Variants in ADORA1 observed in about 807,000 individuals in gnomAD.
ADORA1 encodes adenosine receptor A1.
ADORA1 carries 6 observed loss-of-function variants against 19.9 expected under a neutral mutation model. The observed-to-expected ratio is 0.30, with a 90% confidence interval of 0.17 to 0.59. The LOEUF (loss-of-function observed/expected upper bound fraction) is 0.59. Ranked by LOEUF, ADORA1 falls within the 20% of genes least tolerant of loss-of-function variation. The pLI, the probability that ADORA1 is intolerant of heterozygous loss-of-function variation, is 0.87. For missense variants in ADORA1, 302 were observed against 439.2 expected (o/e 0.69, Z 2.79); for synonymous variants, 194 against 188.4 (o/e 1.03, Z -0.24).
intron 3 of ADORA1, among the ~76,000 whole-genome samples, chr1:203,162,278 G>A (rs984389623): frequency 6.6e-6 from 1 of 152,176 alleles, no homozygotes; most frequent in Non-Finnish European, 1.5e-5. Context: ...ACAGATGAGA[G>A]CTGATACCCT....
chr1:203,151,989 TC>T (rs1482028238), intron 3 of ADORA1, among the ~76,000 whole-genome samples: 1 of 152,136 alleles, frequency 6.6e-6, no homozygotes, highest in Non-Finnish European at 1.5e-5. Context: ...CACAAGGAGT[TC>T]CGTGTTCAGT....
intron 3 of ADORA1, among the ~76,000 whole-genome samples, chr1:203,137,172 T>A (rs1001260365): frequency 2.0e-5 from 3 of 152,208 alleles, no homozygotes; most frequent in Non-Finnish European, 2.9e-5. Context: ...AGGTGCCATT[T>A]GACCAAAACC....
intron 3 of ADORA1, among the ~76,000 whole-genome samples, chr1:203,132,104 A>T (rs1494485): frequency 0.62 from 93,875 of 152,018 alleles, 29,313 homozygotes; most frequent in East Asian, 0.77. Flanking sequence ...CAGTTACAAA[A>T]TTTTTTCTTT....
chr1:203,154,156 T>C (rs375366531), intron 3 of ADORA1, among the ~76,000 whole-genome samples: 4 of 152,316 alleles, frequency 2.6e-5, no homozygotes, highest in South Asian at 4.1e-4. Context: ...GTCTCAGCAG[T>C]TGACAGGACA....
intron 3 of ADORA1, among the ~76,000 whole-genome samples, chr1:203,136,801 G>A (rs1654525523): frequency 6.6e-6 from 1 of 152,130 alleles, no homozygotes; most frequent in Non-Finnish European, 1.5e-5. Context: ...AGAGAGAAGG[G>A]CAGCTGATTT....
chr1:203,151,484 T>A (rs1016839825), intron 3 of ADORA1, among the ~76,000 whole-genome samples: 1 of 152,266 alleles, frequency 6.6e-6, no homozygotes, highest in African/African-American at 2.4e-5. Flanking sequence ...TTTGTTTATC[T>A]ATGTCCTTGC....
intron 3 of ADORA1, among the ~76,000 whole-genome samples, chr1:203,151,109 C>T (rs375108346): frequency 5.6e-4 from 86 of 152,314 alleles, no homozygotes; most frequent in African/African-American, 2.0e-3. Context: ...CAGGCAGATG[C>T]CCTGTACCCT....
intron 3 of ADORA1, among the ~76,000 whole-genome samples, chr1:203,151,222 TC>T (rs36073026): frequency 6.6e-5 from 10 of 152,178 alleles, no homozygotes; most frequent in African/African-American, 2.2e-4. Flanking sequence ...TCCAGTATCC[TC>T]CCTGGCCACT....
At chr1:203,150,873 G>C in intron 3 of ADORA1, 1 of 1,197,600 alleles carries the variant, frequency 8.4e-7, no homozygotes, top group Non-Finnish European at 1.1e-6. Flanking sequence ...AGCTTTAGGG[G>C]GCCCTGACAG....
chr1:203,157,133 A>T (rs1301829649), intron 3 of ADORA1, among the ~76,000 whole-genome samples: 4 of 152,254 alleles, frequency 2.6e-5, no homozygotes. Context: ...GCATCAACTC[A>T]AAAGTCCTAA....
intron 3 of ADORA1, among the ~76,000 whole-genome samples, chr1:203,157,463 T>C (rs970744879): frequency 4.6e-5 from 7 of 152,256 alleles, no homozygotes; most frequent in Non-Finnish European, 8.8e-5. Context: ...GAAGCAGCTC[T>C]CGTGGATTGG....
chr1:203,166,298 CT>C lies in ADORA1; in HGVS notation c.*400del, dbSNP rs1655552490. On this transcript the variant is annotated 3_prime_UTR_variant, in exon 4 of 4. Transcript: ENST00000337894. ...TTCTGCGGTGAGGCAGGGGAGTCTG[CT>C]TGTCTTAGATGTTGGTGGTGCAGCC... 5.7e-6 allele frequency: 1 copy of C among 174,666 alleles called. No homozygotes were observed. Among genetic ancestry groups the C allele is most frequent in the East Asian group, 1.6e-4 (1 of 6,268 alleles). 10.8% of individuals were successfully genotyped at this position (174,666 alleles called of 1,614,324 possible).
In ADORA1 at chr1:203,165,081, A is replaced by T. The variant is rs1406799755; in HGVS notation, c.342-180A>T. 2.6e-6 allele frequency: 4 copies of T among 1,550,552 alleles called. No homozygotes were observed. Among genetic ancestry groups the T allele is most frequent in the Non-Finnish European group, 3.5e-6 (4 of 1,147,000 alleles). ...GAGAATAAGCCAATGCATGGCAAGC[A>T]CTAAATCTTAGATCCTGAAGACTCA... On this transcript the variant is annotated intron_variant, in intron 3 of 3. Coordinates refer to ENST00000337894, the MANE Select transcript of ADORA1 (RefSeq NM_000674.3). The surrounding 1 kb of genome is among the most constrained non-coding windows in gnomAD (Gnocchi z 5.9).
At chr1:203,160,428 G>A (rs1198152826) in intron 3 of ADORA1, among the ~76,000 whole-genome samples, 1 of 152,132 alleles carries the variant, frequency 6.6e-6, no homozygotes, top group African/African-American at 2.4e-5. Context: ...TGGAGCATTT[G>A]GGCTTTTGGA....
At chr1:203,142,277 G>A (rs773725494) in intron 3 of ADORA1, among the ~76,000 whole-genome samples, 3 of 152,180 alleles carry the variant, frequency 2.0e-5, no homozygotes, top group Non-Finnish European at 4.4e-5. Flanking sequence ...CCGGTCAGTG[G>A]CAAAATGATT....
intron 3 of ADORA1, among the ~76,000 whole-genome samples, chr1:203,132,730 C>G (rs1394966842): frequency 6.6e-6 from 1 of 152,180 alleles, no homozygotes; most frequent in African/African-American, 2.4e-5. Flanking sequence ...GCCTGTCATC[C>G]CAGCTACTTG....
intron 3 of ADORA1, among the ~76,000 whole-genome samples, chr1:203,155,513 G>A (rs140512470): frequency 6.6e-6 from 1 of 152,204 alleles, no homozygotes; most frequent in Non-Finnish European, 1.5e-5. Context: ...TGAAAAGGAC[G>A]ATTCATGAGG....
intron 3 of ADORA1, among the ~76,000 whole-genome samples, chr1:203,152,230 A>G (rs896083445): frequency 3.9e-5 from 6 of 152,106 alleles, no homozygotes; most frequent in East Asian, 1.9e-4. Flanking sequence ...TCCCACCACA[A>G]TGAGGTATTC....
intron 3 of ADORA1, chr1:203,149,969 G>A (rs905804188): frequency 6.6e-6 from 1 of 152,000 alleles, no homozygotes; most frequent in African/African-American, 2.4e-5. Flanking sequence ...TGCTTACTGT[G>A]TGCCAGGTAC....
Sources: gnomAD v4.1 joint callset for allele counts (sites outside exome capture counted in the v4.1 genomes callset) on GRCh38, gnomAD v4.1.1 for gene constraint, Gnocchi (gnomAD v3.1) non-coding constraint, MANE v1.5 for transcripts, NCBI Gene and HGNC (gene_info 2026-07-23, HGNC 2026-07-21) for gene names.